Variants in LRP1B observed in about 807,000 individuals in gnomAD.
The protein encoded by LRP1B is low-density lipoprotein receptor-related protein 1B.
LRP1B carries 217 observed loss-of-function variants against 556.6 expected under a neutral mutation model. That is an observed-to-expected ratio of 0.39 (90% confidence interval 0.35 to 0.44). The LOEUF (loss-of-function observed/expected upper bound fraction) is 0.44. Among genes scored for constraint, LRP1B ranks in the 20% least tolerant of loss-of-function variants. LRP1B has a pLI of 1.00. For synonymous variants in LRP1B, 2,047 were observed against 1,865.8 expected, an observed-to-expected ratio of 1.10 and a Z score of -2.50; for missense variants, 5,053 against 5,620.8, an observed-to-expected ratio of 0.90 and a Z score of 3.23.
At chr2:140,257,586 A>G (rs1681752943) in intron 86 of LRP1B, among the ~76,000 whole-genome samples, 1 of 152,200 alleles carries the variant, frequency 6.6e-6, no homozygotes, top group South Asian at 2.1e-4. Flanking sequence ...TCCCCGTGGC[A>G]TGACTGGCAT....
At chr2:141,529,744 GA>G (rs201891954) in intron 2 of LRP1B, among the ~76,000 whole-genome samples, 4,350 of 151,812 alleles carry the variant, frequency 0.029, 94 homozygotes, top group Non-Finnish European at 0.042. Context: ...TACTGTTTGG[GA>G]AAAAAACTTC....
At chr2:140,762,184 G>T (rs761472535) in intron 35 of LRP1B, among the ~76,000 whole-genome samples, 3 of 152,016 alleles carry the variant, frequency 2.0e-5, no homozygotes, top group Non-Finnish European at 4.4e-5. Context: ...ATTATGAAAC[G>T]ATTAGGGATC....
intron 1 of LRP1B, among the ~76,000 whole-genome samples, chr2:142,055,596 A>G (rs1006268524): frequency 2.0e-5 from 3 of 152,146 alleles, no homozygotes; most frequent in African/African-American, 7.2e-5. Context: ...ATACCTTATC[A>G]TAGGGCCTTC....
At chr2:141,730,412 G>C (rs1693227157) in intron 2 of LRP1B, among the ~76,000 whole-genome samples, 1 of 152,054 alleles carries the variant, frequency 6.6e-6, no homozygotes, top group Non-Finnish European at 1.5e-5. Flanking sequence ...CTGAACACCA[G>C]GGAGAAAAAG....
intron 2 of LRP1B, among the ~76,000 whole-genome samples, chr2:141,502,342 A>T (rs1210008057): frequency 6.6e-6 from 1 of 152,172 alleles, no homozygotes; most frequent in Non-Finnish European, 1.5e-5. Flanking sequence ...GTCACCTTGA[A>T]CTAAATGGTG....
chr2:140,510,136 A>T (rs2104918300), intron 51 of LRP1B, 80 bp from the exon 52 acceptor site: 1 of 1,479,822 alleles, frequency 6.8e-7, no homozygotes, highest in Non-Finnish European at 9.2e-7. Flanking sequence ...TTCTACAGTA[A>T]GGGGGGAAGC....
At chr2:141,193,125 T>C (rs1287020822) in intron 6 of LRP1B, among the ~76,000 whole-genome samples, 1 of 151,988 alleles carries the variant, frequency 6.6e-6, no homozygotes, top group African/African-American at 2.4e-5. Flanking sequence ...CACTTACACA[T>C]TGTCGATGGG....
intron 6 of LRP1B, among the ~76,000 whole-genome samples, chr2:141,212,740 C>A (rs775288247): frequency 6.6e-6 from 1 of 151,922 alleles, no homozygotes; most frequent in Non-Finnish European, 1.5e-5. Flanking sequence ...ACTGAAAATA[C>A]CAAACTCTGA....
In LRP1B at chr2:140,356,463, A is replaced by G; in HGVS notation, c.11409T>C (p.Tyr3803=). ...ATGGATTCACATTATCTTCACAGGTATATTCAGTAGGAGCTGGGATTTAAA... is the reference window on the plus strand; with the variant it reads ...ATGGATTCACATTATCTTCACAGGTGTATTCAGTAGGAGCTGGGATTTAAA... ...EQGCRIAPTE[Y]TCEDNVNPCG... The change falls in exon 75 of 91, where the codon TAT becomes TAC. Residue 3803 remains tyrosine, a synonymous_variant. Coordinates refer to ENST00000389484, the MANE Select transcript of LRP1B (RefSeq NM_018557.3). The G allele has an allele frequency of 6.2e-7, 1 of 1,604,146 alleles. No individual in the cohort carries two copies. The highest frequency in any genetic ancestry group is 1.7e-5 in the Admixed American group (1 of 59,606).
chr2:141,725,626 T>TA (rs1171441142), intron 2 of LRP1B, among the ~76,000 whole-genome samples: 1 of 151,928 alleles, frequency 6.6e-6, no homozygotes, highest in African/African-American at 2.4e-5. Context: ...AATACATAAA[T>TA]AAATTAAAAT....
At chr2:140,327,873 T>C (rs1680573877) in intron 79 of LRP1B, among the ~76,000 whole-genome samples, 1 of 152,034 alleles carries the variant, frequency 6.6e-6, no homozygotes, top group Non-Finnish European at 1.5e-5. Context: ...TGGAATTACA[T>C]CTTGATAAAA....
chr2:140,301,435 AGTCT>A (rs1002949171), intron 83 of LRP1B, among the ~76,000 whole-genome samples: 27 of 152,090 alleles, frequency 1.8e-4, no homozygotes, highest in African/African-American at 4.3e-4. Context: ...ATATCTTCCG[AGTCT>A]GTCTATTTGT....
chr2:142,014,782 G>C (rs879496351), intron 1 of LRP1B, among the ~76,000 whole-genome samples: 2 of 151,972 alleles, frequency 1.3e-5, no homozygotes, highest in African/African-American at 4.8e-5. Flanking sequence ...CAGAAAGCAG[G>C]GATGGCAGAG....
At chr2:141,833,883 T>C (rs1697184846) in intron 1 of LRP1B, among the ~76,000 whole-genome samples, 1 of 148,564 alleles carries the variant, frequency 6.7e-6, no homozygotes, top group Non-Finnish European at 1.5e-5. Context: ...AAGAACATCT[T>C]TGAGTGGGGT....
At chr2:141,894,100 A>G (rs889563868) in intron 1 of LRP1B, among the ~76,000 whole-genome samples, 1 of 152,178 alleles carries the variant, frequency 6.6e-6, no homozygotes, top group Non-Finnish European at 1.5e-5. Flanking sequence ...TGAATAACAT[A>G]TATCATTACC....
At chr2:141,932,104 T>C (rs1255527144) in intron 1 of LRP1B, among the ~76,000 whole-genome samples, 2 of 151,990 alleles carry the variant, frequency 1.3e-5, no homozygotes, top group Non-Finnish European at 2.9e-5. Context: ...CTCATTTCTT[T>C]GAATGAGCAA....
intron 1 of LRP1B, among the ~76,000 whole-genome samples, chr2:142,112,766 A>T (rs78596322): frequency 0.035 from 5,260 of 152,118 alleles, 306 homozygotes; most frequent in African/African-American, 0.12. Context: ...TCAGTACAAG[A>T]CTCTATAGTA....
intron 3 of LRP1B, among the ~76,000 whole-genome samples, chr2:141,452,617 A>G (rs1214712921): frequency 1.3e-5 from 2 of 152,188 alleles, no homozygotes; most frequent in Non-Finnish European, 2.9e-5. Flanking sequence ...AGAAGCCAAA[A>G]TATCTCTAAT....
chr2:140,524,303 G>C (rs1015812059), intron 49 of LRP1B, among the ~76,000 whole-genome samples: 10 of 151,700 alleles, frequency 6.6e-5, no homozygotes, highest in African/African-American at 2.2e-4. Flanking sequence ...AATGCCTTTT[G>C]TTTAAAAAGT....
Sources: allele counts gnomAD v4.1 joint callset (sites outside exome capture counted in the v4.1 genomes callset), GRCh38; gene constraint gnomAD v4.1.1; transcripts MANE v1.5; gene names NCBI Gene and HGNC (gene_info 2026-07-23, HGNC 2026-07-21).